The following WDSUB1 variants were observed in gnomAD, a reference collection of about 807,000 sequenced individuals.
The protein encoded by WDSUB1 is WD repeat, SAM and U-box domain-containing protein 1.
WDSUB1 carries 49 observed loss-of-function variants against 53.9 expected under a neutral mutation model. That is an observed-to-expected ratio of 0.91 (90% CI 0.72 to 1.15). The LOEUF (loss-of-function observed/expected upper bound fraction) is 1.15. Among genes scored for constraint, WDSUB1 ranks in the 50% most tolerant of loss-of-function variants. The pLI, the probability that WDSUB1 is intolerant of heterozygous loss-of-function variation, is 0.00. For missense variants in WDSUB1, 514 were observed against 562.0 expected (o/e 0.91, Z 0.86); for synonymous variants, 194 against 200.6 (o/e 0.97, Z 0.28).
At chr2:159,249,736 C>A (rs1186434373) in intron 9 of WDSUB1, among the ~76,000 whole-genome samples, 1 of 151,666 alleles carries the variant, frequency 6.6e-6, no homozygotes, top group African/African-American at 2.4e-5. Flanking sequence ...TCAGCTGTGA[C>A]ATAAACATAA....
chr2:159,265,123 C>CAAAAAA (rs144543167), intron 5 of WDSUB1, among the ~76,000 whole-genome samples: 85 of 146,420 alleles, frequency 5.8e-4, no homozygotes, highest in African/African-American at 2.1e-3. Flanking sequence ...ACAACAACAA[C>CAAAAAA]AAAAAAAAAC....
At chr2:159,260,919 A>G (rs2061174938) in intron 5 of WDSUB1, among the ~76,000 whole-genome samples, 2 of 152,226 alleles carry the variant, frequency 1.3e-5, no homozygotes, top group Admixed American at 1.3e-4. Context: ...ATTCACACCT[A>G]TTAGCTTAAA....
intron 9 of WDSUB1, among the ~76,000 whole-genome samples, chr2:159,249,394 GT>G (rs1329521943): frequency 6.6e-6 from 1 of 152,156 alleles, no homozygotes; most frequent in African/African-American, 2.4e-5. Context: ...ATTATTGGCT[GT>G]TTACACTTTT....
At chr2:159,278,967 T>C (rs150230281) in intron 3 of WDSUB1, among the ~76,000 whole-genome samples, 431 of 152,340 alleles carry the variant, frequency 2.8e-3, no homozygotes, top group African/African-American at 9.8e-3. Context: ...GTAATATACA[T>C]ACCAGATTTC....
In WDSUB1 at chr2:159,278,483, T is replaced by C. The variant is rs560826415; in HGVS notation, c.583+1278A>G. Among the ~76,000 whole-genome samples the C allele has an allele frequency of 2.0e-4, 30 of 151,980 alleles. No homozygotes were observed. In the South Asian group the frequency reaches 3.9e-3, roughly 20 times the overall value. On this transcript the variant is annotated intron_variant, in intron 3 of 10. Transcript: ENST00000359774. ...CCATTAAATATTATCCATATAAATATAGAATTAAAAATTGTGATACTTAGT... is the reference window on the plus strand; with the variant it reads ...CCATTAAATATTATCCATATAAATACAGAATTAAAAATTGTGATACTTAGT...
intron 5 of WDSUB1, among the ~76,000 whole-genome samples, chr2:159,264,341 T>C (rs1328078164): frequency 6.6e-6 from 1 of 152,206 alleles, no homozygotes; most frequent in East Asian, 1.9e-4. Context: ...AGCAATATTG[T>C]AGAGAAAAAA....
At chr2:159,243,210 A>T (rs2060707037) in intron 10 of WDSUB1, among the ~76,000 whole-genome samples, 1 of 147,874 alleles carries the variant, frequency 6.8e-6, no homozygotes, top group South Asian at 2.1e-4. Flanking sequence ...TACGCTAAGA[A>T]AAAAAAGCCA....
intron 9 of WDSUB1, among the ~76,000 whole-genome samples, chr2:159,251,276 TAAGAAA>T (rs1404233331): frequency 6.6e-6 from 1 of 151,022 alleles, no homozygotes; most frequent in Non-Finnish European, 1.5e-5. Context: ...AAAAAAAAAT[TAAGAAA>T]AAGAAAAAAA....
intron 9 of WDSUB1, among the ~76,000 whole-genome samples, chr2:159,250,088 C>CAAAAGAAAAA (rs2060914839): frequency 1.2e-5 from 1 of 83,526 alleles, no homozygotes; most frequent in Non-Finnish European, 2.7e-5. Context: ...GACTCTGCCT[C>CAAAAGAAAAA]AAAAAAAAAA....
At chr2:159,270,826 G>C (rs963977709) in intron 5 of WDSUB1, among the ~76,000 whole-genome samples, 2 of 149,466 alleles carry the variant, frequency 1.3e-5, no homozygotes, top group African/African-American at 5.1e-5. Context: ...AGCAACAAAT[G>C]GCTCAAATAT....
chr2:159,266,051 G>T (rs1252286544), intron 5 of WDSUB1, among the ~76,000 whole-genome samples: 1 of 152,128 alleles, frequency 6.6e-6, no homozygotes, highest in Non-Finnish European at 1.5e-5. Context: ...AAGCTAATAT[G>T]CAATAATCTA....
chr2:159,283,168 C>T (rs2061711412), intron 1 of WDSUB1, 75 bp from the exon 2 acceptor site: 2 of 1,295,574 alleles, frequency 1.5e-6, no homozygotes, highest in Admixed American at 2.4e-5. Context: ...TATAAAAGGG[C>T]CAAAATGTTT....
Position 159,282,763 on chromosome 2 carries a change from A to G in WDSUB1, c.307T>C (p.Cys103Arg), listed in dbSNP as rs1323155752. 1.2e-6 allele frequency: 2 copies of G among 1,614,074 alleles called. No homozygotes were observed. The highest frequency in any genetic ancestry group is 2.7e-5 in the African/African-American group (2 of 74,904). The change falls in exon 2 of 11, where the codon TGC becomes CGC. Residue 103 changes from cysteine to arginine, a missense_variant. By Grantham distance (180) the Cys-to-Arg change is radical. Transcript: ENST00000359774. Reference sequence around the variant, plus strand: ...CACGTGGAGTCTGGGGAAAACTGGCAAACCCTCACAGGGCTGCCACTAGGC... The same window carrying G: ...CACGTGGAGTCTGGGGAAAACTGGCGAACCCTCACAGGGCTGCCACTAGGC... ...EQPSGSPVRVCQFSPDSTCLA... is the reference protein window; with the variant it reads ...EQPSGSPVRVRQFSPDSTCLA...
At chr2:159,262,933 T>C (rs1428479264) in intron 5 of WDSUB1, among the ~76,000 whole-genome samples, 1 of 152,232 alleles carries the variant, frequency 6.6e-6, no homozygotes, top group Non-Finnish European at 1.5e-5. Context: ...ACATACATTC[T>C]GCCACAATCT....
chr2:159,267,825 T>G (rs958928207), intron 5 of WDSUB1, among the ~76,000 whole-genome samples: 1 of 152,240 alleles, frequency 6.6e-6, no homozygotes, highest in Non-Finnish European at 1.5e-5. Flanking sequence ...GATTTAAATA[T>G]GCCTGTCAAT....
intron 5 of WDSUB1, among the ~76,000 whole-genome samples, chr2:159,261,160 ATAAC>A (rs1176208255): frequency 6.6e-6 from 1 of 152,258 alleles, no homozygotes; most frequent in African/African-American, 2.4e-5. Context: ...TAGGAAAAAA[ATAAC>A]AAAAAATAAT....
rs1278553317 is a variant in WDSUB1 at position 159,256,332 on chromosome 2, C to G, written c.996G>C (p.Trp332Cys). 6.2e-7 allele frequency: 1 copy of G among 1,611,534 alleles called. No individual in the cohort carries two copies. Among genetic ancestry groups the G allele is most frequent in the South Asian group, 1.1e-5 (1 of 90,312 alleles). ...GCCATGTTGAGACATCCTCCTCTGA[C>G]CAATCTTCGGTAAATTGCTTCAGCT... ...EHQLKQFTED[W>C]SEEDVSTWLC... The change falls in exon 9 of 11, where the codon TGG (tryptophan) becomes TGC (cysteine). Residue 332 changes from tryptophan (W) to cysteine (C), a missense_variant. Physicochemically the swap from Trp to Cys is radical, Grantham distance 215. Transcript: ENST00000359774.
intron 4 of WDSUB1, among the ~76,000 whole-genome samples, 186 bp downstream of exon 4, chr2:159,275,360 G>T (rs1041971197): frequency 3.9e-5 from 6 of 152,150 alleles, no homozygotes; most frequent in Non-Finnish European, 7.4e-5. Flanking sequence ...CAGTAGAATG[G>T]GTGAGGTCAT....
chr2:159,243,293 A>AGGGGCTG (rs2060708560), intron 10 of WDSUB1, among the ~76,000 whole-genome samples: 1 of 147,694 alleles, frequency 6.8e-6, no homozygotes, highest in Admixed American at 6.6e-5. Context: ...AGTGGTTTCC[A>AGGGGCTG]GGGGCTGGGG....
Sources: gnomAD v4.1 joint callset for allele counts (sites outside exome capture counted in the v4.1 genomes callset) on GRCh38, gnomAD v4.1.1 for gene constraint, MANE v1.5 for transcripts, NCBI Gene and HGNC (gene_info 2026-07-23, HGNC 2026-07-21) for gene names.